NR1I2: variants seen among roughly 807,000 people sequenced by gnomAD.
NR1I2 encodes nuclear receptor subfamily 1 group I member 2, also known as orphan nuclear receptor PAR1.
In NR1I2, 42 loss-of-function variants were observed where a neutral mutation model predicts 43.3. That is an observed-to-expected ratio of 0.97 (90% CI 0.76 to 1.26). The LOEUF (loss-of-function observed/expected upper bound fraction) is 1.26. Among genes scored for constraint, NR1I2 ranks in the 50% most tolerant of loss-of-function variants. NR1I2 has a pLI of 0.00. For synonymous variants in NR1I2, 229 were observed against 215.0 expected, an observed-to-expected ratio of 1.06 and a Z score of -0.57; for missense variants, 559 against 566.7, an observed-to-expected ratio of 0.99 and a Z score of 0.14.
At chr3:119,809,843 G>A (rs2055212306) in intron 2 of NR1I2, among the ~76,000 whole-genome samples, 1 of 152,118 alleles carries the variant, frequency 6.6e-6, no homozygotes, top group African/African-American at 2.4e-5. Context: ...GCCAGAAAAG[G>A]TCTCCTCCCC....
intron 1 of NR1I2, among the ~76,000 whole-genome samples, chr3:119,798,597 G>A (rs2107958949): frequency 7.1e-6 from 1 of 141,704 alleles, no homozygotes; most frequent in Non-Finnish European, 1.5e-5. Context: ...CCAAGATCGC[G>A]CCACTGCACT....
intron 4 of NR1I2, among the ~76,000 whole-genome samples, chr3:119,812,257 G>A (rs972584617): frequency 2.6e-5 from 4 of 152,106 alleles, no homozygotes; most frequent in Non-Finnish European, 5.9e-5. Flanking sequence ...TGCACTGATA[G>A]ATATCTCAAG....
chr3:119,797,518 A>G (rs967203033), intron 1 of NR1I2, among the ~76,000 whole-genome samples: 5 of 152,204 alleles, frequency 3.3e-5, no homozygotes, highest in African/African-American at 1.2e-4. Context: ...AATACAGACA[A>G]TTATAGAGGA....
Position 119,815,439 on chromosome 3 carries a change from G to A in NR1I2, c.1054G>A (p.Asp352Asn), listed in dbSNP as rs772842174. Residue 352 changes from aspartate to asparagine, a missense_variant and splice_region_variant, in exon 7 of 9, where the codon GAC becomes AAC. By Grantham distance (23) the Asp-to-Asn change is conservative. Coordinates refer to ENST00000393716, the MANE Select transcript of NR1I2 (RefSeq NM_003889.4). ...GCAGGCCATCTCCCTCTTCTCCCCAGGTGAGGATCTCCCCTAGGCTGCCTG... is the reference window on the plus strand; with the variant it reads ...GCAGGCCATCTCCCTCTTCTCCCCAAGTGAGGATCTCCCCTAGGCTGCCTG... The A allele has an allele frequency of 2.5e-6, 4 of 1,610,156 alleles. No individual in the cohort carries two copies. The highest frequency in any genetic ancestry group is 3.4e-6 in the Non-Finnish European group (4 of 1,177,828).
At chr3:119,787,536 T>C (rs2107944980) in intron 1 of NR1I2, among the ~76,000 whole-genome samples, 1 of 152,298 alleles carries the variant, frequency 6.6e-6, no homozygotes, top group East Asian at 1.9e-4. Context: ...CTCCCTTCAC[T>C]GAACAACGTC....
Position 119,811,357 on chromosome 3 carries a change from G to C in NR1I2, c.332-182G>C, listed in dbSNP as rs181623023. 8.8e-4 allele frequency: 541 copies of C among 616,812 alleles called. 3 individuals carry two copies. Among genetic ancestry groups the C allele is most frequent in the Middle Eastern group, 3.1e-3 (7 of 2,268 alleles). 38.2% of individuals were successfully genotyped at this position (616,812 alleles called of 1,614,324 possible). Reference sequence around the variant, plus strand: ...TCACCTCATCTCTGTCCTCACCCAAGTGTTTCTCCAGAAGAGCCCACAGGC... The same window carrying C: ...TCACCTCATCTCTGTCCTCACCCAACTGTTTCTCCAGAAGAGCCCACAGGC... On this transcript the variant is annotated intron_variant, in intron 3 of 8. Transcript: ENST00000393716.
intron 5 of NR1I2, among the ~76,000 whole-genome samples, chr3:119,814,723 C>A (rs571861344): frequency 9.5e-4 from 145 of 152,208 alleles, no homozygotes; most frequent in African/African-American, 3.3e-3. Context: ...CTGTAAGGGA[C>A]CTGGATGCCA....
intron 1 of NR1I2, among the ~76,000 whole-genome samples, chr3:119,785,332 T>C (rs907219727): frequency 6.6e-6 from 1 of 152,226 alleles, no homozygotes; most frequent in Non-Finnish European, 1.5e-5. Flanking sequence ...GGATTTATTT[T>C]TGCTTTTGCC....
At chr3:119,785,682 C>G (rs2054833844) in intron 1 of NR1I2, among the ~76,000 whole-genome samples, 2 of 152,162 alleles carry the variant, frequency 1.3e-5, no homozygotes, top group Non-Finnish European at 1.5e-5. Flanking sequence ...CATGACTTCC[C>G]TTTCTCATGC....
At chr3:119,806,318 T>G (rs529331925) in intron 1 of NR1I2, among the ~76,000 whole-genome samples, 3 of 152,300 alleles carry the variant, frequency 2.0e-5, no homozygotes, top group Non-Finnish European at 4.4e-5. Flanking sequence ...GAGGTCTCAC[T>G]TTATCACCCA....
intron 1 of NR1I2, among the ~76,000 whole-genome samples, chr3:119,787,897 A>G (rs2873951): frequency 0.72 from 109,595 of 151,848 alleles, 42,184 homozygotes; most frequent in East Asian, 1. Flanking sequence ...AAAGATTATG[A>G]TTTTTGTTTT....
chr3:119,811,375 C>G lies in NR1I2; in HGVS notation c.332-164C>G, dbSNP rs2055238851. 4.2e-5 allele frequency: 28 copies of G among 664,024 alleles called. 1 individual carries two copies. The South Asian group carries it at 5.6e-4, about 13-fold the overall frequency. The allele number at this position is 664,024 out of a possible 1,614,324, so 41.1% of individuals were successfully genotyped here. Reference sequence around the variant, plus strand: ...CACCCAAGTGTTTCTCCAGAAGAGCCCACAGGCCTCTTGAGTCCAGACAGG... The same window carrying G: ...CACCCAAGTGTTTCTCCAGAAGAGCGCACAGGCCTCTTGAGTCCAGACAGG... On this transcript the variant is annotated intron_variant, in intron 3 of 8. Coordinates refer to ENST00000393716, the MANE Select transcript of NR1I2 (RefSeq NM_003889.4).
intron 1 of NR1I2, among the ~76,000 whole-genome samples, chr3:119,805,811 C>A (rs938917055): frequency 6.7e-6 from 1 of 149,122 alleles, no homozygotes; most frequent in African/African-American, 2.5e-5. Context: ...CTTAAATCAA[C>A]TTTTTGGCTT....
At position 119,817,720 on chromosome 3, in the gene NR1I2, T is replaced by A; in HGVS notation, c.*508T>A. 9.5e-7 allele frequency: 1 copy of A among 1,057,718 alleles called. No individual in the cohort carries two copies. Among genetic ancestry groups the A allele is most frequent in the South Asian group, 3.3e-5 (1 of 30,280 alleles). 65.5% of individuals were successfully genotyped at this position (1,057,718 alleles called of 1,614,324 possible). On this transcript the variant is annotated 3_prime_UTR_variant, in exon 9 of 9. Coordinates refer to ENST00000393716, the MANE Select transcript of NR1I2 (RefSeq NM_003889.4). ...AGCTGCTTTGTGGGCTCCAGGCCTGTACTCATCGGCAGGCGCATGAGTATC... is the reference window on the plus strand; with the variant it reads ...AGCTGCTTTGTGGGCTCCAGGCCTGAACTCATCGGCAGGCGCATGAGTATC...
chr3:119,799,999 C>A (rs2055056888), intron 1 of NR1I2, among the ~76,000 whole-genome samples: 1 of 152,074 alleles, frequency 6.6e-6, no homozygotes, highest in African/African-American at 2.4e-5. Flanking sequence ...CACACACACA[C>A]ACACACACAC....
intron 1 of NR1I2, among the ~76,000 whole-genome samples, chr3:119,805,972 G>A (rs535478051): frequency 1.3e-5 from 2 of 152,264 alleles, no homozygotes; most frequent in South Asian, 4.1e-4. Flanking sequence ...TGGAGGGCCA[G>A]GGTCAGAGAC....
rs1265795688 is a variant in NR1I2 at position 119,810,304 on chromosome 3, GA to G, written c.331+112del. On this transcript the variant is annotated intron_variant, in intron 3 of 8. Coordinates refer to ENST00000393716, the MANE Select transcript of NR1I2 (RefSeq NM_003889.4). ...GGAGATGCGCGCCGAGTGTGCGCGT[GA>G]ACACACGTGCACATGTGAGCTGGTG... The G allele has an allele frequency of 4.1e-6, 6 of 1,456,534 alleles. No homozygotes were observed. In the Admixed American group the frequency reaches 1.3e-4, roughly 31 times the overall value. 90.2% of individuals were successfully genotyped at this position (1,456,534 alleles called of 1,614,324 possible).
At chr3:119,788,715 G>A (rs1016727085) in intron 1 of NR1I2, among the ~76,000 whole-genome samples, 2 of 152,226 alleles carry the variant, frequency 1.3e-5, no homozygotes, top group Non-Finnish European at 2.9e-5. Context: ...TGGGATTACA[G>A]GTGTGAGGCA....
rs2107968805 is a variant in NR1I2 at position 119,807,261 on chromosome 3, G to C, written c.11G>C (p.Arg4Thr). Residue 4 changes from arginine to threonine, a missense_variant, in exon 2 of 9, where the codon AGA becomes ACA. Arg to Thr is a moderately conservative substitution (Grantham distance 71). Around this residue, in one of 3 missense-constraint regions of NR1I2, gnomAD observed 232 missense variants for 236.6 expected, o/e 0.98. Transcript: ENST00000393716. ...GGCCCAGAAGCAAACCTGGAGGTGA[G>C]ACCCAAAGAAAGCTGGAACCATGCT... The C allele has an allele frequency of 6.2e-7, 1 of 1,614,152 alleles. No homozygotes were observed. The highest frequency in any genetic ancestry group is 1.6e-4 in the Middle Eastern group (1 of 6,062).
Sources: allele counts gnomAD v4.1 joint callset (sites outside exome capture counted in the v4.1 genomes callset), GRCh38; gene constraint gnomAD v4.1.1; regional missense constraint gnomAD v4.1.1; transcripts MANE v1.5; gene names NCBI Gene and HGNC (gene_info 2026-07-23, HGNC 2026-07-21).